The following FILIP1L variants were observed in gnomAD, a reference collection of about 807,000 sequenced individuals.
The protein encoded by FILIP1L is filamin A interacting protein 1 like, also known as filamin A-interacting protein 1-like.
A neutral mutation model predicts 96.6 loss-of-function variants in FILIP1L; 55 were observed. The ratio of observed to expected loss-of-function variants is 0.57; its 90% CI spans 0.46 to 0.71. FILIP1L has a LOEUF of 0.71. FILIP1L is among the 30% of genes least tolerant of loss of function. FILIP1L has a pLI of 0.00. For synonymous variants in FILIP1L, 467 were observed against 473.9 expected, an observed-to-expected ratio of 0.99 and a Z score of 0.19; for missense variants, 1,304 against 1,321.2, an observed-to-expected ratio of 0.99 and a Z score of 0.20.
chr3:100,072,595 G>A (rs566041765), intron 1 of FILIP1L, among the ~76,000 whole-genome samples: 5 of 152,244 alleles, frequency 3.3e-5, no homozygotes, highest in South Asian at 2.1e-4. Flanking sequence ...ACCGACCATC[G>A]CACCCCACCT....
At chr3:100,007,359 C>T (rs1710017637) in intron 1 of FILIP1L, among the ~76,000 whole-genome samples, 2 of 152,108 alleles carry the variant, frequency 1.3e-5, no homozygotes, top group Non-Finnish European at 2.9e-5. Context: ...GATGATGTGT[C>T]TGCCCACAAA....
At chr3:99,831,569 A>G (rs921832733) in intron 5 of FILIP1L, among the ~76,000 whole-genome samples, 1 of 152,258 alleles carries the variant, frequency 6.6e-6, no homozygotes, top group Non-Finnish European at 1.5e-5. Flanking sequence ...AGTTGAAGTC[A>G]GTGACAGACT....
intron 1 of FILIP1L, among the ~76,000 whole-genome samples, chr3:99,995,304 TCTC>T: frequency 6.6e-6 from 1 of 152,148 alleles, no homozygotes. Flanking sequence ...TCCAAAATGA[TCTC>T]CTTTATCCCC....
At position 100,019,353 on chromosome 3, in the gene FILIP1L, G is replaced by A. The variant is rs78150487; in HGVS notation, c.-10-88323C>T. Among the ~76,000 whole-genome samples, 690 of 152,052 alleles carry A rather than the reference G, an allele frequency of 4.5e-3. 7 individuals are homozygous for A. Among genetic ancestry groups the A allele is most frequent in the African/African-American group, 0.016 (674 of 41,472 alleles). Reference sequence around the variant, plus strand: ...CCAGCCTGGGTGAAACAGCCAAGGGGTAAAAGACATAAAAATATGAATTGA... The same window carrying A: ...CCAGCCTGGGTGAAACAGCCAAGGGATAAAAGACATAAAAATATGAATTGA... On this transcript the variant is annotated intron_variant, in intron 1 of 5. Transcript: ENST00000477258.
At chr3:100,062,688 A>G (rs1453625027) in intron 1 of FILIP1L, among the ~76,000 whole-genome samples, 1 of 152,228 alleles carries the variant, frequency 6.6e-6, no homozygotes, top group Non-Finnish European at 1.5e-5. Flanking sequence ...ACCCTAAAAG[A>G]AATTTAAAAG....
At position 99,930,198 on chromosome 3, in the gene FILIP1L, C is replaced by T. The variant is rs6791426; in HGVS notation, c.253-169G>A. On this transcript the variant is annotated intron_variant, in intron 2 of 5. Transcript: ENST00000477258. ...AACAAAACTATATCCCTTCATCCTT[C>T]TTGTAGTCTAATTACACAATTAATG... is the stretch of plus-strand genomic sequence containing the variant. Among the ~76,000 whole-genome samples, 687 of 152,300 alleles carry T rather than the reference C, an allele frequency of 4.5e-3. 7 individuals are homozygous for T. The highest frequency in any genetic ancestry group is 0.016 in the African/African-American group (674 of 41,570).
chr3:99,950,193 A>G (rs1013624236), intron 1 of FILIP1L, among the ~76,000 whole-genome samples: 1 of 152,026 alleles, frequency 6.6e-6, no homozygotes, highest in African/African-American at 2.4e-5. Context: ...TTACTTCCTT[A>G]TCTATATTTT....
chr3:99,872,269 CTGTGTGTGTGTGTGTGTGTG>C (rs55727823), intron 4 of FILIP1L, among the ~76,000 whole-genome samples: 13 of 110,822 alleles, frequency 1.2e-4, no homozygotes, highest in East Asian at 6.4e-4. Flanking sequence ...TGTGCCAGGA[CTGTGTGTGTGTGTGTGTGTG>C]TGTGTGTGTG....
chr3:99,990,364 A>T (rs905662921), intron 1 of FILIP1L, among the ~76,000 whole-genome samples: 18 of 152,278 alleles, frequency 1.2e-4, no homozygotes, highest in African/African-American at 4.3e-4. Flanking sequence ...GATCCGTTCA[A>T]TCTCTCTATT....
In FILIP1L at chr3:99,983,389, A is replaced by AAT. The variant is rs397990626; in HGVS notation, c.-10-52361_-10-52360dup. Among the ~76,000 whole-genome samples, 268 of 40,728 alleles carry AAT rather than the reference A, an allele frequency of 6.6e-3. 1 individual carries two copies. The highest frequency in any genetic ancestry group is 0.016 in the South Asian group (23 of 1,424). 26.7% of individuals were successfully genotyped at this position (40,728 alleles called of 152,430 possible). Reference sequence around the variant, plus strand: ...TCTCTACTTAAAAAATAAATAAATAAATATATATATATATATATATATATA... The same window carrying AAT: ...TCTCTACTTAAAAAATAAATAAATAAATATATATATATATATATATATATATA... On this transcript the variant is annotated intron_variant, in intron 1 of 5. Transcript: ENST00000477258.
intron 1 of FILIP1L, among the ~76,000 whole-genome samples, chr3:100,051,862 T>A (rs1017160205): frequency 1.3e-5 from 2 of 148,622 alleles, no homozygotes; most frequent in Non-Finnish European, 3.0e-5. Flanking sequence ...ATAGTATAAG[T>A]ATATAATTTA....
intron 1 of FILIP1L, among the ~76,000 whole-genome samples, chr3:100,113,811 A>T (rs2066529616): frequency 6.6e-6 from 1 of 152,164 alleles, no homozygotes; most frequent in African/African-American, 2.4e-5. Flanking sequence ...GTTTTCTTTC[A>T]TGTGTATCAC....
chr3:99,915,153 A>G (rs1424199767), intron 4 of FILIP1L, among the ~76,000 whole-genome samples: 1 of 152,128 alleles, frequency 6.6e-6, no homozygotes, highest in East Asian at 1.9e-4. Flanking sequence ...CCTCATCAAA[A>G]TGGGCTTGTC....
chr3:99,918,944 T>G (rs1400358903), intron 4 of FILIP1L, among the ~76,000 whole-genome samples: 1 of 152,322 alleles, frequency 6.6e-6, no homozygotes, highest in Non-Finnish European at 1.5e-5. Context: ...AAATAGCTCC[T>G]TGCCAGAAAA....
chr3:99,997,820 T>C (rs1709726732), intron 1 of FILIP1L, among the ~76,000 whole-genome samples: 1 of 152,194 alleles, frequency 6.6e-6, no homozygotes, highest in South Asian at 2.1e-4. Context: ...ATACCAAATA[T>C]CTGGCAATTT....
intron 1 of FILIP1L, among the ~76,000 whole-genome samples, chr3:99,949,511 A>T (rs116124152): frequency 0.011 from 1,710 of 152,290 alleles, 18 homozygotes; most frequent in African/African-American, 0.025. Flanking sequence ...AGGCAATTTT[A>T]CTCGCAGTAC....
intron 4 of FILIP1L, among the ~76,000 whole-genome samples, chr3:99,919,899 G>A (rs1050116443): frequency 2.0e-5 from 3 of 152,120 alleles, no homozygotes; most frequent in Admixed American, 6.5e-5. Flanking sequence ...TCCTCCAAAG[G>A]GCCCTAAGGC....
At chr3:99,884,039 T>C (rs1489705881) in intron 4 of FILIP1L, among the ~76,000 whole-genome samples, 8 of 152,180 alleles carry the variant, frequency 5.3e-5, no homozygotes, top group Non-Finnish European at 1.2e-4. Flanking sequence ...ATTTAGTTCA[T>C]TGGACTTGAA....
intron 1 of FILIP1L, among the ~76,000 whole-genome samples, chr3:100,066,897 A>G (rs917224259): frequency 1.3e-5 from 2 of 152,120 alleles, no homozygotes; most frequent in Non-Finnish European, 2.9e-5. Context: ...TGACCATACC[A>G]TATTTATAGC....
Sources: gnomAD v4.1 joint callset for allele counts (sites outside exome capture counted in the v4.1 genomes callset) on GRCh38, gnomAD v4.1.1 for gene constraint, MANE v1.5 for transcripts, NCBI Gene and HGNC (gene_info 2026-07-23, HGNC 2026-07-21) for gene names.